The following LRRTM4 variants were observed in gnomAD, a reference collection of about 807,000 sequenced individuals.
LRRTM4 encodes the protein leucine rich repeat transmembrane neuronal 4, also known as leucine-rich repeat transmembrane neuronal protein 4.
A neutral mutation model predicts 47.6 loss-of-function variants in LRRTM4; 25 were observed. The observed-to-expected ratio is 0.53, with a 90% CI of 0.38 to 0.73. LRRTM4 has a LOEUF of 0.73. Ranked by LOEUF, LRRTM4 falls within the 30% of genes least tolerant of loss-of-function variation. LRRTM4 has a pLI of 0.00. For synonymous variants in LRRTM4, 311 were observed against 269.5 expected, an observed-to-expected ratio of 1.15 and a Z score of -1.51; for missense variants, 638 against 713.4, an observed-to-expected ratio of 0.89 and a Z score of 1.20.
chr2:76,886,953 A>C (rs1336451623), intron 3 of LRRTM4, among the ~76,000 whole-genome samples: 4 of 151,980 alleles, frequency 2.6e-5, no homozygotes, highest in Non-Finnish European at 5.9e-5. Flanking sequence ...TTTTGAACAT[A>C]ATACATTGAT....
At chr2:76,904,803 A>C (rs541005017) in intron 3 of LRRTM4, among the ~76,000 whole-genome samples, 33 of 152,270 alleles carry the variant, frequency 2.2e-4, no homozygotes, top group African/African-American at 7.9e-4. Flanking sequence ...ATATATAAGA[A>C]TACCTACCAC....
intron 3 of LRRTM4, among the ~76,000 whole-genome samples, chr2:76,911,794 A>G (rs1379155132): frequency 6.6e-6 from 1 of 152,090 alleles, no homozygotes; most frequent in Non-Finnish European, 1.5e-5. Flanking sequence ...GGAAGAGCAG[A>G]AAGAACAATG....
intron 3 of LRRTM4, among the ~76,000 whole-genome samples, chr2:77,436,354 T>C (rs1208806936): frequency 2.0e-5 from 3 of 152,088 alleles, no homozygotes; most frequent in Non-Finnish European, 4.4e-5. Flanking sequence ...CAGAAAATCA[T>C]CTGTCTTTGA....
At chr2:77,353,205 T>C (rs2104299833) in intron 3 of LRRTM4, among the ~76,000 whole-genome samples, 1 of 152,320 alleles carries the variant, frequency 6.6e-6, no homozygotes, top group African/African-American at 2.4e-5. Flanking sequence ...TTTCAGTTAA[T>C]AGGTGTTAAC....
chr2:76,788,777 A>G (rs572465696), intron 3 of LRRTM4, among the ~76,000 whole-genome samples: 2 of 152,284 alleles, frequency 1.3e-5, no homozygotes, highest in South Asian at 4.1e-4. Context: ...GGGAGGAAGT[A>G]GTAACACTAT....
At chr2:76,876,352 A>T (rs1260484204) in intron 3 of LRRTM4, among the ~76,000 whole-genome samples, 1 of 152,178 alleles carries the variant, frequency 6.6e-6, no homozygotes, top group Non-Finnish European at 1.5e-5. Context: ...GCATTACTGC[A>T]TGAAGATTAG....
chr2:76,913,031 T>G (rs1243823783), intron 3 of LRRTM4, among the ~76,000 whole-genome samples: 1 of 152,208 alleles, frequency 6.6e-6, no homozygotes, highest in Non-Finnish European at 1.5e-5. Flanking sequence ...GGGTCCATTT[T>G]CCTACCTTAG....
At chr2:76,909,028 A>T (rs1673953211) in intron 3 of LRRTM4, among the ~76,000 whole-genome samples, 1 of 152,196 alleles carries the variant, frequency 6.6e-6, no homozygotes, top group Non-Finnish European at 1.5e-5. Context: ...AAGAGCCCTC[A>T]TCGCCAAGTC....
At chr2:77,396,592 C>G (rs554500947) in intron 3 of LRRTM4, among the ~76,000 whole-genome samples, 27 of 151,924 alleles carry the variant, frequency 1.8e-4, no homozygotes, top group African/African-American at 6.0e-4. Flanking sequence ...AAAGTTTTCC[C>G]TCATTATATC....
At chr2:77,131,116 C>G (rs558688995) in intron 3 of LRRTM4, among the ~76,000 whole-genome samples, 27 of 149,748 alleles carry the variant, frequency 1.8e-4, no homozygotes, top group African/African-American at 3.9e-4. Flanking sequence ...TTACAGGCGT[C>G]AGCCACCGCG....
At chr2:77,078,280 G>A (rs534295490) in intron 3 of LRRTM4, among the ~76,000 whole-genome samples, 34 of 151,834 alleles carry the variant, frequency 2.2e-4, no homozygotes, top group African/African-American at 6.8e-4. Context: ...AGTTTCTCTC[G>A]TTGCTATTTT....
intron 3 of LRRTM4, among the ~76,000 whole-genome samples, chr2:77,151,230 TTAATGG>T (rs1186519930): frequency 4.6e-5 from 7 of 152,082 alleles, no homozygotes; most frequent in Non-Finnish European, 8.8e-5. Flanking sequence ...TACCATATTG[TTAATGG>T]TAAGTACTAT....
At chr2:77,007,163 T>C (rs1324229072) in intron 3 of LRRTM4, among the ~76,000 whole-genome samples, 2 of 151,544 alleles carry the variant, frequency 1.3e-5, no homozygotes, top group African/African-American at 2.4e-5. Flanking sequence ...AATATATATA[T>C]ATACACACAC....
intron 3 of LRRTM4, among the ~76,000 whole-genome samples, chr2:76,807,425 CAT>C (rs70939835): frequency 8.3e-4 from 81 of 98,052 alleles, no homozygotes; most frequent in Middle Eastern, 0.011. Flanking sequence ...TATATATATA[CAT>C]ATATATATAC....
At chr2:77,285,904 C>T (rs1676642843) in intron 3 of LRRTM4, among the ~76,000 whole-genome samples, 2 of 152,046 alleles carry the variant, frequency 1.3e-5, no homozygotes, top group Admixed American at 6.6e-5. Flanking sequence ...TAATAAAATG[C>T]TATATATCTA....
intron 3 of LRRTM4, among the ~76,000 whole-genome samples, chr2:76,993,835 G>T (rs1584236): frequency 2.6e-5 from 4 of 151,764 alleles, no homozygotes; most frequent in Non-Finnish European, 4.4e-5. Context: ...TTCACAATAG[G>T]AAAGATATGA....
chr2:77,245,811 A>G (rs1296690807), intron 3 of LRRTM4, among the ~76,000 whole-genome samples: 11 of 152,206 alleles, frequency 7.2e-5, no homozygotes, highest in Admixed American at 3.9e-4. Flanking sequence ...CAGCTTTCTC[A>G]GTCATTTGTA....
At chr2:77,049,117 AT>A (rs200993543) in intron 3 of LRRTM4, among the ~76,000 whole-genome samples, 30 of 83,602 alleles carry the variant, frequency 3.6e-4, no homozygotes, top group African/African-American at 1.3e-3. Flanking sequence ...ATAATATTTC[AT>A]TTTTTATATA....
At chr2:77,506,401 A>C (rs1678776016) in intron 3 of LRRTM4, among the ~76,000 whole-genome samples, 1 of 151,788 alleles carries the variant, frequency 6.6e-6, no homozygotes, top group Admixed American at 6.6e-5. Context: ...CAATGTAAGA[A>C]AACATAATGA....
Sources: allele counts gnomAD v4.1 joint callset (sites outside exome capture counted in the v4.1 genomes callset), GRCh38; gene constraint gnomAD v4.1.1; transcripts MANE v1.5; gene names NCBI Gene and HGNC (gene_info 2026-07-23, HGNC 2026-07-21).